The following KLF8 variants were observed in gnomAD, a reference collection of about 807,000 sequenced individuals.
KLF8 encodes the protein KLF transcription factor 8.
KLF8 carries 10 observed loss-of-function variants against 18.2 expected under a neutral mutation model. The ratio of observed to expected loss-of-function variants is 0.55; its 90% confidence interval spans 0.34 to 0.93. The LOEUF (loss-of-function observed/expected upper bound fraction) is 0.93, where lower values mean the gene tolerates loss of function less well. KLF8 is among the 40% of genes least tolerant of loss of function. KLF8 has a pLI of 0.02. For missense variants in KLF8, 264 were observed against 277.9 expected, an observed-to-expected ratio of 0.95 and a Z score of 0.36; for synonymous variants, 109 against 97.3, an observed-to-expected ratio of 1.12 and a Z score of -0.71.
the KLF8 span, among the ~76,000 whole-genome samples, chrX:55,945,825 A>G: frequency 9.0e-6 from 1 of 111,117 alleles, no homozygotes; most frequent in East Asian, 2.8e-4. Flanking sequence ...AAAAATCACA[A>G]GCATTCTTAT....
the KLF8 span, among the ~76,000 whole-genome samples, chrX:56,108,638 T>C: frequency 8.9e-6 from 1 of 111,734 alleles, no homozygotes; most frequent in Non-Finnish European, 1.9e-5. Context: ...TTATATGAAT[T>C]ATATTTTGGT....
At chrX:56,187,303 C>G in the KLF8 span, among the ~76,000 whole-genome samples, 1 of 111,775 alleles carries the variant, frequency 8.9e-6, no homozygotes, top group Non-Finnish European at 1.9e-5. Context: ...AACACATACA[C>G]CCTCCCAAGA....
the KLF8 span, among the ~76,000 whole-genome samples, chrX:56,144,991 C>A: frequency 1.8e-5 from 2 of 108,686 alleles, no homozygotes; most frequent in African/African-American, 6.7e-5. Context: ...TGGGGTTTCA[C>A]CATGTTGGCC....
At chrX:56,184,128 G>C in the KLF8 span, among the ~76,000 whole-genome samples, 1 of 112,343 alleles carries the variant, frequency 8.9e-6, no homozygotes. Context: ...TCAAAGAAAG[G>C]GGTGACAGAC....
chrX:55,923,705 CGTGTGTGTGTGTGTGTGTGT>C, the KLF8 span, among the ~76,000 whole-genome samples: 1 of 98,304 alleles, frequency 1.0e-5, no homozygotes, highest in South Asian at 5.0e-4. Flanking sequence ...TAAAGATCCA[CGTGTGTGTGTGTGTGTGTGT>C]GTGTGTGTGT....
At position 56,285,252 on chromosome X, in the gene KLF8, G is replaced by A. The variant is rs1254715975; in HGVS notation, c.*758G>A. On this transcript the variant is annotated 3_prime_UTR_variant, in exon 6 of 6. Coordinates refer to ENST00000468660, the MANE Select transcript of KLF8 (RefSeq NM_007250.5). ...AATTGTTATTTGTTAGGTTAAATTT[G>A]GACAAATATTCAAAGCACACATAGA... The A allele has an allele frequency of 9.0e-6, 1 of 111,288 alleles. No individual in the cohort carries two copies. The highest frequency in any genetic ancestry group is 3.3e-5 in the African/African-American group (1 of 30,577). The allele number at this position is 111,288 out of a possible 1,213,427, so 9.2% of individuals were successfully genotyped here. A position where few individuals can be genotyped will look rare whatever the true frequency, so the allele number is the denominator to read the frequency against.
chrX:56,014,226 A>C, the KLF8 span, among the ~76,000 whole-genome samples: 1 of 112,437 alleles, frequency 8.9e-6, no homozygotes, highest in Non-Finnish European at 1.9e-5. Flanking sequence ...AACTTTTTGC[A>C]ACCTATCCAT....
At position 56,250,305 on chromosome X, in the gene KLF8, G is replaced by C. The variant is rs755515170; in HGVS notation, c.81+1G>C. 2 of 1,189,365 alleles carry C rather than the reference G, an allele frequency of 1.7e-6. No individual in the cohort carries two copies. The highest frequency in any genetic ancestry group is 3.6e-5 in the South Asian group (2 of 56,156). Reference sequence around the variant, plus strand: ...TGGCTCAATGCAGGTATTCAAGCAGGTCAGTTATCAGGAAAATAGGGTGCT... The same window carrying C: ...TGGCTCAATGCAGGTATTCAAGCAGCTCAGTTATCAGGAAAATAGGGTGCT... On this transcript the variant is annotated splice_donor_variant, in intron 2 of 5. Transcript: ENST00000468660. LOFTEE classifies it high-confidence loss of function.
the KLF8 span, among the ~76,000 whole-genome samples, chrX:55,981,955 C>A: frequency 9.0e-6 from 1 of 110,959 alleles, no homozygotes; most frequent in African/African-American, 3.3e-5. Flanking sequence ...AGGCTCTGGG[C>A]TTTAGGGCTT....
the KLF8 span, among the ~76,000 whole-genome samples, chrX:56,004,954 C>T: frequency 1.8e-5 from 2 of 111,192 alleles, no homozygotes; most frequent in Non-Finnish European, 3.8e-5. Context: ...ACCCACTTTG[C>T]TCCAGGGTTA....
the KLF8 span, among the ~76,000 whole-genome samples, chrX:56,047,985 T>C: frequency 8.9e-6 from 1 of 111,966 alleles, no homozygotes; most frequent in Non-Finnish European, 1.9e-5. Context: ...GTATCTCACT[T>C]GTGGTTTTGA....
chrX:56,199,577 A>C, the KLF8 span, among the ~76,000 whole-genome samples: 2 of 111,858 alleles, frequency 1.8e-5, no homozygotes, highest in Admixed American at 1.9e-4. Flanking sequence ...AAAGTCAGGA[A>C]AAAACAGATG....
chrX:56,169,945 G>A, the KLF8 span, among the ~76,000 whole-genome samples: 1 of 111,459 alleles, frequency 9.0e-6, no homozygotes, highest in Non-Finnish European at 1.9e-5. Flanking sequence ...GGTGACCACT[G>A]GGATGCTTGT....
At chrX:55,962,302 G>C in the KLF8 span, 1 of 181,889 alleles carries the variant, frequency 5.5e-6, no homozygotes, top group Non-Finnish European at 1.1e-5. Flanking sequence ...CCCACATCTG[G>C]CAACACATAA....
chrX:56,091,970 A>G, the KLF8 span, among the ~76,000 whole-genome samples: 1 of 103,215 alleles, frequency 9.7e-6, no homozygotes, highest in Non-Finnish European at 1.9e-5. Flanking sequence ...GTCCTCACCA[A>G]CATCTATTGT....
the KLF8 span, among the ~76,000 whole-genome samples, chrX:56,034,416 G>A: frequency 2.4e-4 from 27 of 111,945 alleles, no homozygotes; most frequent in South Asian, 8.9e-3. Flanking sequence ...AATGAATATA[G>A]CCTTCTAATA....
chrX:56,157,416 G>A, the KLF8 span, among the ~76,000 whole-genome samples: 1 of 110,510 alleles, frequency 9.0e-6, no homozygotes, highest in Non-Finnish European at 1.9e-5. Context: ...GATATGGGAT[G>A]GCTGGGTCAA....
At chrX:55,980,817 T>A in the KLF8 span, among the ~76,000 whole-genome samples, 1 of 112,246 alleles carries the variant, frequency 8.9e-6, no homozygotes, top group Admixed American at 9.4e-5. Context: ...GTGTGCGAAC[T>A]GTTATTTGCC....
the KLF8 span, among the ~76,000 whole-genome samples, chrX:55,960,408 C>T: frequency 2.7e-4 from 30 of 111,161 alleles, no homozygotes; most frequent in African/African-American, 9.2e-4. Flanking sequence ...CTCAGCTACT[C>T]GGGAGGCAGA....
Sources: allele counts gnomAD v4.1 joint callset (sites outside exome capture counted in the v4.1 genomes callset), GRCh38; gene constraint gnomAD v4.1.1; transcripts MANE v1.5; gene names NCBI Gene and HGNC (gene_info 2026-07-23, HGNC 2026-07-21).